The following CSMD3 variants were observed in gnomAD, a reference collection of about 807,000 sequenced individuals.
CSMD3 encodes CUB and Sushi multiple domains 3.
CSMD3 carries 177 observed loss-of-function variants against 435.2 expected under a neutral mutation model. The ratio of observed to expected loss-of-function variants is 0.41; its 90% CI spans 0.36 to 0.46. The LOEUF is 0.46. CSMD3 is among the 20% of genes least tolerant of loss of function. CSMD3 has a pLI of 0.34. For synonymous variants in CSMD3, 1,656 were observed against 1,520.5 expected, an observed-to-expected ratio of 1.09 and a Z score of -2.07; for missense variants, 4,265 against 4,504.6, an observed-to-expected ratio of 0.95 and a Z score of 1.52.
chr8:112,604,530 G>A (rs1184658412), intron 22 of CSMD3, among the ~76,000 whole-genome samples: 1 of 151,998 alleles, frequency 6.6e-6, no homozygotes, highest in East Asian at 1.9e-4. Flanking sequence ...CAAGCATAAG[G>A]GAAAGGATTC....
At chr8:113,066,598 A>G (rs1383301) in intron 5 of CSMD3, among the ~76,000 whole-genome samples, 50,585 of 151,890 alleles carry the variant, frequency 0.33, 9,255 homozygotes, top group East Asian at 0.69. Context: ...AGAAAAATAT[A>G]CAGTATACCT....
intron 6 of CSMD3, among the ~76,000 whole-genome samples, chr8:113,007,844 T>C (rs570317184): frequency 6.6e-6 from 1 of 152,088 alleles, no homozygotes; most frequent in South Asian, 2.1e-4. Flanking sequence ...CTGCATTTTC[T>C]AACTCAAAGA....
chr8:113,255,793 T>C (rs2093374882), intron 3 of CSMD3, among the ~76,000 whole-genome samples: 1 of 151,882 alleles, frequency 6.6e-6, no homozygotes, highest in South Asian at 2.1e-4. Context: ...TGTTTGTCTC[T>C]AAGTGTATTT....
intron 3 of CSMD3, among the ~76,000 whole-genome samples, chr8:113,184,490 G>A (rs955586342): frequency 6.6e-6 from 1 of 151,856 alleles, no homozygotes; most frequent in African/African-American, 2.4e-5. Flanking sequence ...GCATCACTTT[G>A]GAGTTTCTAA....
At chr8:113,105,106 A>T (rs2131574978) in intron 4 of CSMD3, among the ~76,000 whole-genome samples, 1 of 152,136 alleles carries the variant, frequency 6.6e-6, no homozygotes, top group East Asian at 1.9e-4. Flanking sequence ...ATTTGGAGAA[A>T]AAAATATTTA....
chr8:112,992,656 C>T (rs1001820354), intron 6 of CSMD3, among the ~76,000 whole-genome samples: 2 of 151,768 alleles, frequency 1.3e-5, no homozygotes, highest in Admixed American at 1.3e-4. Context: ...TAGGGAATTA[C>T]AGGTTTGTAG....
intron 12 of CSMD3, among the ~76,000 whole-genome samples, chr8:112,826,996 A>G (rs1337419033): frequency 6.6e-6 from 1 of 151,572 alleles, no homozygotes; most frequent in Non-Finnish European, 1.5e-5. Context: ...TAACATTGAA[A>G]TAGGGTGAAA....
intron 2 of CSMD3, among the ~76,000 whole-genome samples, chr8:113,293,784 C>T (rs927912154): frequency 6.6e-6 from 1 of 151,880 alleles, no homozygotes; most frequent in Non-Finnish European, 1.5e-5. Flanking sequence ...AAGAAGGTGG[C>T]TATTTATGGG....
chr8:112,241,855 C>CACAA, intron 65 of CSMD3, 70 bp from the exon 66 acceptor site: 2 of 626,620 alleles, frequency 3.2e-6, no homozygotes, highest in Non-Finnish European at 5.5e-6. Flanking sequence ...CACACACACA[C>CACAA]ACGCACACAC....
chr8:112,730,057 A>G (rs943096743), intron 13 of CSMD3, among the ~76,000 whole-genome samples: 27 of 152,102 alleles, frequency 1.8e-4, no homozygotes, highest in African/African-American at 6.5e-4. Flanking sequence ...GGAAAAGAGG[A>G]TACTTGCTTT....
intron 13 of CSMD3, among the ~76,000 whole-genome samples, chr8:112,729,252 G>A (rs1008983799): frequency 1.3e-5 from 2 of 151,994 alleles, no homozygotes; most frequent in Non-Finnish European, 2.9e-5. Flanking sequence ...CTTAGAGCAG[G>A]GGTGAGGGAG....
chr8:112,827,476 A>G (rs931225754), intron 12 of CSMD3, among the ~76,000 whole-genome samples: 1 of 151,982 alleles, frequency 6.6e-6, no homozygotes, highest in African/African-American at 2.4e-5. Context: ...CCTAAAATCC[A>G]GTTTTCTGTC....
intron 32 of CSMD3, among the ~76,000 whole-genome samples, chr8:112,429,415 T>G (rs2130376102): frequency 6.6e-6 from 1 of 152,096 alleles, no homozygotes; most frequent in African/African-American, 2.4e-5. Flanking sequence ...CATGTGGCAT[T>G]GGGGACACAA....
rs1184361126 is a variant in CSMD3 at position 112,314,478 on chromosome 8, T to C, written c.7500A>G (p.Val2500=). ...VEKGYNITMF[V]EFFQTEKEFD... ...ATTCCTTTTCTGTCTGGAAGAATTC[T>C]ACAAACATGGTGATATTATAACCCT... Residue 2500 remains valine (V), a synonymous_variant, in exon 48 of 71, where the codon GTA becomes GTG. Transcript: ENST00000297405. 6.2e-7 allele frequency: 1 copy of C among 1,612,552 alleles called. No individual in the cohort carries two copies. Among genetic ancestry groups the C allele is most frequent in the African/African-American group, 1.3e-5 (1 of 74,886 alleles).
Position 112,682,421 on chromosome 8 carries a change from C to T in CSMD3, c.2677+21G>A, listed in dbSNP as rs749957873. On this transcript the variant is annotated intron_variant, in intron 16 of 70. Coordinates refer to ENST00000297405, the MANE Select transcript of CSMD3 (RefSeq NM_198123.2). ...ACATAATGATGATGAGGTTCTATTT[C>T]TCACTCACTACTACACTTACCTCCA... 3 of 1,585,100 alleles carry T rather than the reference C, an allele frequency of 1.9e-6. No individual in the cohort carries two copies. The East Asian group carries it at 6.7e-5, about 35-fold the overall frequency.
intron 1 of CSMD3, among the ~76,000 whole-genome samples, chr8:113,354,066 T>C (rs1019287120): frequency 1.3e-5 from 2 of 152,176 alleles, no homozygotes; most frequent in South Asian, 4.1e-4. Context: ...TTCTTTGCAC[T>C]TAGGTGAATC....
intron 32 of CSMD3, among the ~76,000 whole-genome samples, chr8:112,443,721 G>A (rs1815292578): frequency 6.6e-6 from 1 of 152,072 alleles, no homozygotes; most frequent in Non-Finnish European, 1.5e-5. Flanking sequence ...CATTGAGAAT[G>A]AGCTTCATTA....
chr8:113,049,402 GAAA>G (rs60859878), intron 5 of CSMD3, among the ~76,000 whole-genome samples: 5 of 137,926 alleles, frequency 3.6e-5, no homozygotes, highest in African/African-American at 5.3e-5. Flanking sequence ...GTTCTAGTAG[GAAA>G]AAAAAAAAAA....
intron 5 of CSMD3, among the ~76,000 whole-genome samples, chr8:113,024,759 A>C (rs2086809770): frequency 6.6e-6 from 1 of 152,038 alleles, no homozygotes; most frequent in Non-Finnish European, 1.5e-5. Context: ...TTTGAAGGTT[A>C]TCTGTTCTGG....
Sources: gnomAD v4.1 joint callset for allele counts (sites outside exome capture counted in the v4.1 genomes callset) on GRCh38, gnomAD v4.1.1 for gene constraint, MANE v1.5 for transcripts, NCBI Gene and HGNC (gene_info 2026-07-23, HGNC 2026-07-21) for gene names.